The following TENM3 variants were observed in gnomAD, a reference collection of about 807,000 sequenced individuals.
TENM3 encodes teneurin-3.
In TENM3, 63 loss-of-function variants were observed where a neutral mutation model predicts 255.1. The observed-to-expected ratio is 0.25, with a 90% CI of 0.20 to 0.30. The LOEUF (loss-of-function observed/expected upper bound fraction) is 0.30, where lower values mean the gene tolerates loss of function less well. TENM3 is among the 10% of genes least tolerant of loss of function. The pLI is 1.00. For missense variants in TENM3, 2,929 were observed against 3,461.1 expected, an observed-to-expected ratio of 0.85 and a Z score of 3.86; for synonymous variants, 1,306 against 1,322.3, an observed-to-expected ratio of 0.99 and a Z score of 0.27.
chr4:182,450,505 A>G (rs1773367246), intron 3 of TENM3, among the ~76,000 whole-genome samples: 1 of 152,216 alleles, frequency 6.6e-6, no homozygotes, highest in Admixed American at 6.5e-5. Flanking sequence ...AAACTTGAGA[A>G]ATGTTGGTGT....
intron 3 of TENM3, among the ~76,000 whole-genome samples, chr4:182,575,802 T>TAG (rs1291526752): frequency 7.2e-5 from 11 of 152,324 alleles, no homozygotes; most frequent in African/African-American, 2.4e-4. Context: ...TATAATACTG[T>TAG]ATTAAAGGAA....
chr4:181,501,823 G>T, the TENM3 span, among the ~76,000 whole-genome samples: 3 of 152,208 alleles, frequency 2.0e-5, no homozygotes, highest in Non-Finnish European at 4.4e-5. Context: ...TGAATTCAAT[G>T]ATTTCAAGTC....
At chr4:181,806,699 C>G in the TENM3 span, among the ~76,000 whole-genome samples, 1 of 152,270 alleles carries the variant, frequency 6.6e-6, no homozygotes, top group Admixed American at 6.5e-5. Flanking sequence ...TCTTGGAGTC[C>G]CTGGCCTCTA....
chr4:182,651,556 G>A (rs1753292750), intron 5 of TENM3, among the ~76,000 whole-genome samples: 1 of 152,122 alleles, frequency 6.6e-6, no homozygotes, highest in Non-Finnish European at 1.5e-5. Flanking sequence ...AATTAGCTGG[G>A]CGTGGCGGCG....
the TENM3 span, among the ~76,000 whole-genome samples, chr4:181,522,325 G>T: frequency 3.9e-5 from 6 of 152,024 alleles, no homozygotes; most frequent in Non-Finnish European, 8.8e-5. Context: ...AAAGAGAGAG[G>T]TTACTTTTAT....
chr4:182,798,804 G>C (rs1163249013), intron 27 of TENM3, among the ~76,000 whole-genome samples: 1 of 152,168 alleles, frequency 6.6e-6, no homozygotes, highest in Non-Finnish European at 1.5e-5. Context: ...AGACACTGAG[G>C]CTGCCCCAAG....
At chr4:181,592,115 C>T in the TENM3 span, among the ~76,000 whole-genome samples, 1 of 152,134 alleles carries the variant, frequency 6.6e-6, no homozygotes, top group Non-Finnish European at 1.5e-5. Flanking sequence ...GAAACTTTTG[C>T]AGGTGGTGGA....
chr4:182,437,473 A>G (rs1011389201), intron 3 of TENM3, among the ~76,000 whole-genome samples: 1 of 132,192 alleles, frequency 7.6e-6, no homozygotes, highest in Admixed American at 8.4e-5. Context: ...ACATGGCAAA[A>G]CCTTGTCTCT....
At chr4:182,637,379 G>C (rs1751930919) in intron 5 of TENM3, among the ~76,000 whole-genome samples, 1 of 152,130 alleles carries the variant, frequency 6.6e-6, no homozygotes. Flanking sequence ...TCCAAAGCCA[G>C]ACGTGGTGGC....
At chr4:181,666,752 T>TG in the TENM3 span, among the ~76,000 whole-genome samples, 3 of 152,170 alleles carry the variant, frequency 2.0e-5, no homozygotes, top group Non-Finnish European at 4.4e-5. Context: ...CAACTGCCAT[T>TG]GCACAGTGAT....
the TENM3 span, among the ~76,000 whole-genome samples, chr4:181,678,820 G>C: frequency 1.5e-5 from 2 of 131,040 alleles, no homozygotes; most frequent in Non-Finnish European, 3.2e-5. Context: ...TGAATGAAAA[G>C]CTTCCCAAGA....
chr4:182,184,960 G>T (rs1753055011), intron 1 of TENM3, among the ~76,000 whole-genome samples: 1 of 152,140 alleles, frequency 6.6e-6, no homozygotes, highest in South Asian at 2.1e-4. Flanking sequence ...GTGGGCGCCT[G>T]TGATCCTAGT....
chr4:182,450,475 A>G (rs894290281), intron 3 of TENM3, among the ~76,000 whole-genome samples: 18 of 152,176 alleles, frequency 1.2e-4, no homozygotes, highest in Non-Finnish European at 2.9e-5. Flanking sequence ...GGCAGAGGCC[A>G]TCTGCTATAA....
At chr4:182,172,568 G>C (rs1171146147) in intron 1 of TENM3, among the ~76,000 whole-genome samples, 1 of 151,980 alleles carries the variant, frequency 6.6e-6, no homozygotes, top group Admixed American at 6.6e-5. Flanking sequence ...AAATTGTGTT[G>C]GAGAATAACC....
At chr4:182,780,217 T>C (rs1466544737) in intron 24 of TENM3, among the ~76,000 whole-genome samples, 1 of 150,862 alleles carries the variant, frequency 6.6e-6, no homozygotes, top group African/African-American at 2.4e-5. Context: ...TAATCCATCT[T>C]GAATTGATTT....
At chr4:182,409,284 A>G (rs1181342732) in intron 3 of TENM3, among the ~76,000 whole-genome samples, 1 of 152,216 alleles carries the variant, frequency 6.6e-6, no homozygotes, top group Non-Finnish European at 1.5e-5. Flanking sequence ...ATCTCTCAGA[A>G]GATACGCAGG....
intron 19 of TENM3, among the ~76,000 whole-genome samples, chr4:182,744,360 T>G (rs957845115): frequency 6.6e-6 from 1 of 152,098 alleles, no homozygotes. Flanking sequence ...GTGATATAAT[T>G]TGAGAAATCT....
intron 13 of TENM3, among the ~76,000 whole-genome samples, chr4:182,718,658 G>C (rs1472889170): frequency 6.6e-6 from 1 of 152,088 alleles, no homozygotes; most frequent in Non-Finnish European, 1.5e-5. Context: ...TCTTCTCTCT[G>C]TCTCCTCCTT....
intron 3 of TENM3, among the ~76,000 whole-genome samples, chr4:182,574,829 T>C (rs766233630): frequency 2.0e-5 from 3 of 152,190 alleles, no homozygotes; most frequent in African/African-American, 4.8e-5. Flanking sequence ...TTTGTTCTGC[T>C]TGCAGAATGG....
Sources: gnomAD v4.1 joint callset for allele counts (sites outside exome capture counted in the v4.1 genomes callset) on GRCh38, gnomAD v4.1.1 for gene constraint, MANE v1.5 for transcripts, NCBI Gene and HGNC (gene_info 2026-07-23, HGNC 2026-07-21) for gene names.